CRB1: variants seen among roughly 807,000 people sequenced by gnomAD.
CRB1 encodes the protein crumbs cell polarity complex component 1.
In CRB1, 83 loss-of-function variants were observed where a neutral mutation model predicts 120.0. The ratio of observed to expected loss-of-function variants is 0.69; its 90% CI spans 0.58 to 0.83. The LOEUF is 0.83. Ranked by LOEUF, CRB1 falls within the 40% of genes least tolerant of loss-of-function variation. CRB1 has a pLI of 0.00. For missense variants in CRB1, 1,699 were observed against 1,687.6 expected (o/e 1.01, Z -0.12); for synonymous variants, 625 against 612.5 (o/e 1.02, Z -0.30).
At position 197,396,697 on chromosome 1, in the gene CRB1, A is replaced by G. The variant is rs552951924; in HGVS notation, c.1172-24303A>G. On this transcript the variant is annotated intron_variant, in intron 5 of 11. Coordinates refer to ENST00000367400, the MANE Select transcript of CRB1 (RefSeq NM_201253.3). ...TAATTCATTTTAAACAAAGGTGTAA[A>G]GCGAATCTCTGGAGAAAAGGAAGTC... Among the ~76,000 whole-genome samples the G allele has an allele frequency of 2.9e-4, 44 of 152,302 alleles. No individual in the cohort carries two copies. The South Asian group carries it at 3.9e-3, about 14-fold the overall frequency.
intron 11 of CRB1, among the ~76,000 whole-genome samples, chr1:197,454,464 T>C (rs1323893164): frequency 6.6e-6 from 1 of 152,202 alleles, no homozygotes; most frequent in Non-Finnish European, 1.5e-5. Context: ...ATAATTAATG[T>C]TCTTCATTTC....
At chr1:197,442,809 T>C in intron 11 of CRB1, 1 of 216,846 alleles carries the variant, frequency 4.6e-6, no homozygotes, top group South Asian at 7.1e-5. Flanking sequence ...TTCATTCTTA[T>C]CTATTATTTA....
chr1:197,331,797 T>A (rs1327326074), intron 2 of CRB1, among the ~76,000 whole-genome samples: 1 of 152,222 alleles, frequency 6.6e-6, no homozygotes, highest in Admixed American at 6.5e-5. Flanking sequence ...TGCAAAACTA[T>A]ATTTTACAAT....
chr1:197,414,845 A>G (rs1389177902), intron 5 of CRB1, among the ~76,000 whole-genome samples: 1 of 152,158 alleles, frequency 6.6e-6, no homozygotes, highest in East Asian at 1.9e-4. Context: ...CATCAAATAA[A>G]TATGTTGGAC....
chr1:197,222,180 C>T, the CRB1 span: 1 of 425,988 alleles, frequency 2.3e-6, no homozygotes. Context: ...GTCCTGCCGG[C>T]CCGCTCCTTG....
At chr1:197,318,287 A>G (rs1657974968) in intron 1 of CRB1, among the ~76,000 whole-genome samples, 1 of 152,220 alleles carries the variant, frequency 6.6e-6, no homozygotes, top group Admixed American at 6.5e-5. Flanking sequence ...AATCAAGATG[A>G]CAGAAATTTT....
intron 11 of CRB1, among the ~76,000 whole-genome samples, chr1:197,454,051 C>G (rs1289982495): frequency 2.0e-5 from 3 of 149,664 alleles, no homozygotes; most frequent in Non-Finnish European, 4.4e-5. Context: ...GTCTCAAGCT[C>G]CCAGGCTCAA....
At chr1:197,233,236 G>T in the CRB1 span, among the ~76,000 whole-genome samples, 1 of 152,114 alleles carries the variant, frequency 6.6e-6, no homozygotes, top group Non-Finnish European at 1.5e-5. Context: ...TGATCCACTG[G>T]TCTGATCTCT....
intron 5 of CRB1, among the ~76,000 whole-genome samples, chr1:197,371,128 C>A (rs1661348769): frequency 6.6e-6 from 1 of 152,176 alleles, no homozygotes; most frequent in Non-Finnish European, 1.5e-5. Flanking sequence ...CATTGCCTCA[C>A]TTACCTTCTG....
At position 197,434,738 on chromosome 1, in the gene CRB1, G is replaced by T. The variant is rs557111131; in HGVS notation, c.2875G>T (p.Gly959Cys). 3 of 1,613,332 alleles carry T rather than the reference G, an allele frequency of 1.9e-6. No individual in the cohort carries two copies. Among genetic ancestry groups the T allele is most frequent in the Non-Finnish European group, 2.5e-6 (3 of 1,179,594 alleles). ...AAATGCTGTTTTTAATGGACAAAGC[G>T]GTCAAATATTATTCAGAAGCAATGG... ...IANAVFNGQS[G>C]QILFRSNGNI... is the part of the protein sequence containing the mutation. The change falls in exon 9 of 12, where the codon GGT becomes TGT. Residue 959 changes from glycine to cysteine, a missense_variant. By Grantham distance (159) the Gly-to-Cys change is radical. Coordinates refer to ENST00000367400, the MANE Select transcript of CRB1 (RefSeq NM_201253.3).
rs184278582 is a variant in CRB1 at position 197,428,822 on chromosome 1, T to C, written c.2677-627T>C. 4.2e-3 allele frequency among the ~76,000 whole-genome samples: 640 copies of C among 152,348 alleles called. 2 individuals are homozygous for C. The highest frequency in any genetic ancestry group is 6.8e-3 in the Non-Finnish European group (460 of 68,028). On this transcript the variant is annotated intron_variant, in intron 7 of 11. Transcript: ENST00000367400. The stretch of plus-strand genomic sequence containing the variant: ...TGAAGTAACTGAAGTTTAGAAAGGT[T>C]ATGTAACTAGCCTAAATCATATGTT...
At chr1:197,346,774 A>G (rs1451052249) in intron 3 of CRB1, among the ~76,000 whole-genome samples, 1 of 152,242 alleles carries the variant, frequency 6.6e-6, no homozygotes. Context: ...AGAAATAGTA[A>G]GGCCTAAATA....
chr1:197,418,876 A>G (rs767242262), intron 5 of CRB1, among the ~76,000 whole-genome samples: 7 of 152,216 alleles, frequency 4.6e-5, no homozygotes, highest in Non-Finnish European at 1.0e-4. Context: ...TATGCTGTCC[A>G]AGTAAATTTC....
intron 11 of CRB1, among the ~76,000 whole-genome samples, chr1:197,469,230 A>C (rs951296817): frequency 1.2e-4 from 19 of 152,296 alleles, no homozygotes; most frequent in Middle Eastern, 3.4e-3. Context: ...AAAATAAATA[A>C]ATAAATAAAA....
intron 1 of CRB1, chr1:197,304,314 A>T: frequency 5.9e-6 from 4 of 674,220 alleles, no homozygotes; most frequent in Non-Finnish European, 7.3e-6. Flanking sequence ...TAATGGTTAC[A>T]TTTTAAAATA....
intron 11 of CRB1, among the ~76,000 whole-genome samples, chr1:197,448,073 GT>G (rs577632258): frequency 6.7e-5 from 10 of 150,256 alleles, no homozygotes; most frequent in South Asian, 6.3e-4. Flanking sequence ...TTTGTGTCCT[GT>G]TTTTTTTTCT....
chr1:197,222,973 C>T, the CRB1 span: 9 of 821,656 alleles, frequency 1.1e-5, no homozygotes, highest in Non-Finnish European at 2.0e-5. Context: ...ACAATCTTTA[C>T]AGTGGGAATG....
the CRB1 span, among the ~76,000 whole-genome samples, chr1:197,208,729 C>T: frequency 4.6e-5 from 7 of 152,212 alleles, no homozygotes; most frequent in East Asian, 1.9e-4. Context: ...ACATCACCTC[C>T]GGTTGTGTGG....
At chr1:197,341,999 G>A (rs560914865) in intron 2 of CRB1, among the ~76,000 whole-genome samples, 49 of 152,298 alleles carry the variant, frequency 3.2e-4, no homozygotes, top group African/African-American at 1.1e-3. Flanking sequence ...AGAGGTATAT[G>A]GTAGGTTTGA....
Sources: allele counts gnomAD v4.1 joint callset (sites outside exome capture counted in the v4.1 genomes callset), GRCh38; gene constraint gnomAD v4.1.1; transcripts MANE v1.5; gene names NCBI Gene and HGNC (gene_info 2026-07-23, HGNC 2026-07-21).